FBXW8: variants seen among roughly 807,000 people sequenced by gnomAD.
The protein encoded by FBXW8 is F-box/WD repeat-containing protein 8.
FBXW8 carries 57 observed loss-of-function variants against 65.3 expected under a neutral mutation model. That is an observed-to-expected ratio of 0.87 (90% confidence interval 0.71 to 1.09). The LOEUF (loss-of-function observed/expected upper bound fraction) is 1.09, where lower values mean the gene tolerates loss of function less well. FBXW8 is among the 50% of genes least tolerant of loss of function. The pLI, the probability that FBXW8 is intolerant of heterozygous loss-of-function variation, is 0.00. For synonymous variants in FBXW8, 308 were observed against 330.2 expected (o/e 0.93, Z 0.73); for missense variants, 777 against 814.8 (o/e 0.95, Z 0.57).
At chr12:116,996,340 C>A (rs7976384) in intron 7 of FBXW8, among the ~76,000 whole-genome samples, 1 of 151,984 alleles carries the variant, frequency 6.6e-6, no homozygotes, top group Non-Finnish European at 1.5e-5. Context: ...CATACACGGA[C>A]GTGAAGAGAC....
At chr12:116,966,055 A>G (rs918436509) in intron 5 of FBXW8, among the ~76,000 whole-genome samples, 4 of 151,666 alleles carry the variant, frequency 2.6e-5, no homozygotes, top group Non-Finnish European at 4.4e-5. Flanking sequence ...AAGCCACTGC[A>G]CCTGGCCTTG....
chr12:116,954,189 A>T (rs972191890), intron 4 of FBXW8, among the ~76,000 whole-genome samples: 1 of 152,086 alleles, frequency 6.6e-6, no homozygotes, highest in Non-Finnish European at 1.5e-5. Flanking sequence ...AAAGTAGAGA[A>T]GAGAAAGCCA....
intron 5 of FBXW8, among the ~76,000 whole-genome samples, chr12:116,969,974 C>G (rs1302601517): frequency 6.6e-6 from 1 of 152,128 alleles, no homozygotes; most frequent in African/African-American, 2.4e-5. Flanking sequence ...TTGCACGTTA[C>G]CATACCGAAA....
intron 1 of FBXW8, among the ~76,000 whole-genome samples, chr12:116,912,399 A>G (rs1286362808): frequency 6.7e-6 from 1 of 150,324 alleles, no homozygotes; most frequent in African/African-American, 2.5e-5. Flanking sequence ...TGTATTGCCC[A>G]GTCTGGTCTC....
At chr12:117,022,847 ATG>A (rs1442201175) in intron 8 of FBXW8, among the ~76,000 whole-genome samples, 13 of 152,128 alleles carry the variant, frequency 8.5e-5, no homozygotes, top group South Asian at 4.2e-4. Context: ...TCCTTTACAG[ATG>A]TGTTTTTCAT....
chr12:116,931,420 A>C (rs1228174463), intron 2 of FBXW8, among the ~76,000 whole-genome samples: 1 of 151,944 alleles, frequency 6.6e-6, no homozygotes, highest in African/African-American at 2.4e-5. Flanking sequence ...ATCTGTGAAA[A>C]TGTCTTTGGA....
Position 117,030,279 on chromosome 12 carries a change from C to A in FBXW8, c.*2107C>A, listed in dbSNP as rs558475582. On this transcript the variant is annotated 3_prime_UTR_variant, in exon 11 of 11. Transcript: ENST00000652555. ...CCCGTCCAGAGCGCTTTCTTTCAGA[C>A]CCTGCCTACCTGCAGGCAGATGGAC... The A allele has an allele frequency of 1.3e-5, 2 of 152,200 alleles. No homozygotes were observed. Among genetic ancestry groups the A allele is most frequent in the Non-Finnish European group, 2.9e-5 (2 of 68,044 alleles). 9.4% of individuals were successfully genotyped at this position (152,200 alleles called of 1,614,324 possible).
At chr12:116,995,991 G>C (rs537331698) in intron 7 of FBXW8, among the ~76,000 whole-genome samples, 4 of 152,256 alleles carry the variant, frequency 2.6e-5, no homozygotes, top group African/African-American at 7.2e-5. Context: ...ATTAAATTCT[G>C]CTCTCAGAGG....
chr12:116,946,792 G>T (rs1263067720), intron 3 of FBXW8, among the ~76,000 whole-genome samples: 1 of 152,052 alleles, frequency 6.6e-6, no homozygotes, highest in Non-Finnish European at 1.5e-5. Context: ...ATGCACACAG[G>T]CAGAAAGGTA....
At chr12:116,974,997 C>T (rs189058128) in intron 5 of FBXW8, among the ~76,000 whole-genome samples, 2 of 152,310 alleles carry the variant, frequency 1.3e-5, no homozygotes, top group East Asian at 3.9e-4. Flanking sequence ...AGCAACAAAA[C>T]ATGATGATAG....
At chr12:116,933,397 C>T (rs1308760452) in intron 2 of FBXW8, among the ~76,000 whole-genome samples, 3 of 152,220 alleles carry the variant, frequency 2.0e-5, no homozygotes, top group African/African-American at 4.8e-5. Flanking sequence ...CTGGTTTTCT[C>T]ATCCAAAGAG....
At chr12:117,025,975 T>C (rs1954218216) in intron 9 of FBXW8, among the ~76,000 whole-genome samples, 1 of 152,368 alleles carries the variant, frequency 6.6e-6, no homozygotes, top group Non-Finnish European at 1.5e-5. Context: ...CGGTCCAGGC[T>C]TGTCCCCCAC....
intron 5 of FBXW8, chr12:116,977,475 A>C (rs959500837): frequency 6.6e-6 from 1 of 152,196 alleles, no homozygotes; most frequent in Non-Finnish European, 1.5e-5. Flanking sequence ...AAAAATTCAA[A>C]ATACACAAAA....
At chr12:116,952,860 C>T (rs1347156703) in intron 4 of FBXW8, among the ~76,000 whole-genome samples, 1 of 152,150 alleles carries the variant, frequency 6.6e-6, no homozygotes, top group Admixed American at 6.5e-5. Context: ...GCTTCAGCCT[C>T]CCGAGTAGCT....
intron 5 of FBXW8, among the ~76,000 whole-genome samples, chr12:116,967,128 G>C (rs1412176988): frequency 6.6e-6 from 1 of 151,562 alleles, no homozygotes; most frequent in Non-Finnish European, 1.5e-5. Context: ...TTTTACTCGT[G>C]GGGGGTCCTG....
At chr12:116,915,199 A>G (rs1880307748) in intron 1 of FBXW8, among the ~76,000 whole-genome samples, 1 of 152,242 alleles carries the variant, frequency 6.6e-6, no homozygotes, top group South Asian at 2.1e-4. Context: ...AAGGCAGGTA[A>G]TGCACGTGAG....
At chr12:116,997,764 C>T (rs1382928198) in intron 7 of FBXW8, among the ~76,000 whole-genome samples, 6 of 152,132 alleles carry the variant, frequency 3.9e-5, no homozygotes, top group Admixed American at 1.3e-4. Flanking sequence ...GTAGGTATAG[C>T]GGCCCATGCT....
chr12:116,929,003 A>T (rs1177652893), intron 2 of FBXW8, among the ~76,000 whole-genome samples: 11 of 151,780 alleles, frequency 7.2e-5, no homozygotes. Flanking sequence ...TAGAGATGGG[A>T]TTTCACTGGC....
At chr12:116,964,639 C>T (rs1884198647) in intron 4 of FBXW8, 58 bp from the exon 5 acceptor site, 2 of 1,599,638 alleles carry the variant, frequency 1.3e-6, no homozygotes, top group South Asian at 2.2e-5. Flanking sequence ...TGCATTTTCC[C>T]CACCATAGCC....
Sources: gnomAD v4.1 joint callset for allele counts (sites outside exome capture counted in the v4.1 genomes callset) on GRCh38, gnomAD v4.1.1 for gene constraint, MANE v1.5 for transcripts, NCBI Gene and HGNC (gene_info 2026-07-23, HGNC 2026-07-21) for gene names.